Variants in ST3GAL3 observed in about 807,000 individuals in gnomAD.
The protein encoded by ST3GAL3 is CMP-N-acetylneuraminate-beta-1,4-galactoside alpha-2,3-sialyltransferase.
A neutral mutation model predicts 50.1 loss-of-function variants in ST3GAL3; 21 were observed. That is an observed-to-expected ratio of 0.42 (90% confidence interval 0.30 to 0.60). ST3GAL3 has a LOEUF of 0.60. Among genes scored for constraint, ST3GAL3 ranks in the 20% least tolerant of loss-of-function variants. ST3GAL3 has a pLI of 0.19. For missense variants in ST3GAL3, 353 were observed against 489.4 expected, an observed-to-expected ratio of 0.72 and a Z score of 2.63; for synonymous variants, 183 against 190.0, an observed-to-expected ratio of 0.96 and a Z score of 0.30.
chr1:43,887,275 A>G (rs779179370), intron 5 of ST3GAL3, among the ~76,000 whole-genome samples: 8 of 152,168 alleles, frequency 5.3e-5, no homozygotes, highest in Non-Finnish European at 8.8e-5. Flanking sequence ...ACAGTGTAAG[A>G]TTAGATAAAT....
chr1:43,798,384 A>C (rs752997479), intron 3 of ST3GAL3, among the ~76,000 whole-genome samples: 41 of 152,296 alleles, frequency 2.7e-4, no homozygotes, highest in Non-Finnish European at 4.1e-4. Flanking sequence ...ATTTACAATA[A>C]AATCCAAACT....
intron 2 of ST3GAL3, among the ~76,000 whole-genome samples, chr1:43,785,816 G>T (rs2057250398): frequency 6.6e-6 from 1 of 152,110 alleles, no homozygotes; most frequent in Non-Finnish European, 1.5e-5. Context: ...GGAGTCTATG[G>T]ATTACCTTCC....
At chr1:43,879,471 A>G (rs944136004) in intron 5 of ST3GAL3, 5 of 455,248 alleles carry the variant, frequency 1.1e-5, no homozygotes, top group African/African-American at 1.0e-4. Flanking sequence ...TGGTCCAGAA[A>G]TGATTATTTG....
chr1:43,928,322 C>T (rs148374202), intron 11 of ST3GAL3, among the ~76,000 whole-genome samples: 189 of 152,198 alleles, frequency 1.2e-3, no homozygotes, highest in African/African-American at 4.4e-3. Context: ...AGTTATTGGC[C>T]GGGCACGATG....
rs1171088570 is a variant in ST3GAL3 at position 43,899,073 on chromosome 1, C to T, written c.462-95C>T. On this transcript the variant is annotated intron_variant, in intron 7 of 11. Coordinates refer to ENST00000347631, the MANE Select transcript of ST3GAL3 (RefSeq NM_006279.5). The surrounding 1 kb of genome is among the most constrained non-coding windows in gnomAD (Gnocchi z 5.4). ...TCTTCTTCCTCTATCCCAGCCTGGTCCTGGACAAGGGCGTGGGGTCAAGGG... is the reference window on the plus strand; with the variant it reads ...TCTTCTTCCTCTATCCCAGCCTGGTTCTGGACAAGGGCGTGGGGTCAAGGG... 6 of 1,570,990 alleles carry T rather than the reference C, an allele frequency of 3.8e-6. No homozygotes were observed. Among genetic ancestry groups the T allele is most frequent in the African/African-American group, 2.7e-5 (2 of 73,986 alleles).
intron 4 of ST3GAL3, among the ~76,000 whole-genome samples, chr1:43,824,335 TC>T (rs1343497559): frequency 6.6e-6 from 1 of 151,426 alleles, no homozygotes; most frequent in African/African-American, 2.4e-5. Flanking sequence ...CATGCTGACT[TC>T]AGATGGCCAG....
chr1:43,707,586 C>T lies in ST3GAL3; in HGVS notation c.-138C>T, dbSNP rs893422681. 1 of 151,900 alleles carries T rather than the reference C, an allele frequency of 6.6e-6. No individual in the cohort carries two copies. Among genetic ancestry groups the T allele is most frequent in the Non-Finnish European group, 1.5e-5 (1 of 68,066 alleles). 9.4% of individuals were successfully genotyped at this position (151,900 alleles called of 1,614,324 possible). On this transcript the variant is annotated 5_prime_UTR_variant, in exon 1 of 12. Coordinates refer to ENST00000347631, the MANE Select transcript of ST3GAL3 (RefSeq NM_006279.5). Reference sequence around the variant, plus strand: ...CATGCAGCCCAGCGCGTTGTGGGCTCCCGCCGGGGTCCCCCGCGGCTGTCG... The same window carrying T: ...CATGCAGCCCAGCGCGTTGTGGGCTTCCGCCGGGGTCCCCCGCGGCTGTCG...
intron 2 of ST3GAL3, among the ~76,000 whole-genome samples, chr1:43,783,630 T>C (rs1225388208): frequency 1.3e-5 from 2 of 152,174 alleles, no homozygotes; most frequent in African/African-American, 4.8e-5. Flanking sequence ...CCAAACCTTA[T>C]ATACCATCTT....
chr1:43,795,153 G>C (rs917572217), intron 3 of ST3GAL3, among the ~76,000 whole-genome samples: 2 of 152,154 alleles, frequency 1.3e-5, no homozygotes, highest in Admixed American at 6.5e-5. Flanking sequence ...AATGTTCAAG[G>C]GGATTTTGGT....
intron 2 of ST3GAL3, among the ~76,000 whole-genome samples, chr1:43,747,035 G>C (rs1684031655): frequency 1.3e-5 from 2 of 151,912 alleles, no homozygotes; most frequent in African/African-American, 4.8e-5. Flanking sequence ...CGAAGTGCGA[G>C]GATTACAGGC....
intron 11 of ST3GAL3, among the ~76,000 whole-genome samples, chr1:43,926,047 G>A (rs2083859240): frequency 6.6e-6 from 1 of 152,182 alleles, no homozygotes; most frequent in African/African-American, 2.4e-5. Flanking sequence ...GGATCTCTCA[G>A]GATGCTTGGA....
chr1:43,804,264 G>A (rs1307257529), intron 3 of ST3GAL3, among the ~76,000 whole-genome samples: 1 of 152,216 alleles, frequency 6.6e-6, no homozygotes, highest in African/African-American at 2.4e-5. Flanking sequence ...GCTGGGATCT[G>A]TAACCTTGCC....
chr1:43,839,783 C>G (rs1229309368), intron 5 of ST3GAL3: 1 of 152,218 alleles, frequency 6.6e-6, no homozygotes, highest in Non-Finnish European at 1.5e-5. Context: ...CCTCAGGAAA[C>G]TTAAAATCAT....
chr1:43,824,650 C>T (rs962820668), intron 4 of ST3GAL3: 18 of 1,575,672 alleles, frequency 1.1e-5, no homozygotes, highest in East Asian at 4.5e-5. Context: ...GCATTTTTCA[C>T]AGCCCACTGT....
chr1:43,763,723 C>T (rs533906815), intron 2 of ST3GAL3, among the ~76,000 whole-genome samples: 3 of 152,252 alleles, frequency 2.0e-5, no homozygotes, highest in East Asian at 1.9e-4. Context: ...CTTACTAGAC[C>T]GTGGGCATCC....
chr1:43,849,231 T>C, intron 5 of ST3GAL3, among the ~76,000 whole-genome samples: 1 of 151,572 alleles, frequency 6.6e-6, no homozygotes, highest in East Asian at 1.9e-4. Flanking sequence ...GGTTGAGATC[T>C]AGGGTTCTTT....
chr1:43,920,882 C>T lies in ST3GAL3; in HGVS notation c.992C>T (p.Ala331Val). ...GGCTATGACATGAGCACACCCAACGCACCCCTGCACTACTATGAGACCGTT... is the reference window on the plus strand; with the variant it reads ...GGCTATGACATGAGCACACCCAACGTACCCCTGCACTACTATGAGACCGTT... ...GFGYDMSTPN[A>V]PLHYYETVRM... The change falls in exon 11 of 12, where the codon GCA becomes GTA. Residue 331 changes from alanine (A) to valine (V), a missense_variant. Transcript: ENST00000347631. The T allele has an allele frequency of 6.2e-7, 1 of 1,614,122 alleles. No individual in the cohort carries two copies. The highest frequency in any genetic ancestry group is 1.3e-5 in the African/African-American group (1 of 75,016).
At chr1:43,902,061 T>A (rs769448410) in intron 9 of ST3GAL3, among the ~76,000 whole-genome samples, 1 of 152,202 alleles carries the variant, frequency 6.6e-6, no homozygotes. Flanking sequence ...ACCTCACCCA[T>A]GCTCTGCCTC....
At chr1:43,848,256 T>C (rs184019902) in intron 5 of ST3GAL3, among the ~76,000 whole-genome samples, 26 of 151,362 alleles carry the variant, frequency 1.7e-4, no homozygotes, top group African/African-American at 5.8e-4. Flanking sequence ...ACCAGTGGTT[T>C]CCAGCAATTT....
Sources: allele counts gnomAD v4.1 joint callset (sites outside exome capture counted in the v4.1 genomes callset), GRCh38; gene constraint gnomAD v4.1.1; non-coding constraint Gnocchi (gnomAD v3.1); transcripts MANE v1.5; gene names NCBI Gene and HGNC (gene_info 2026-07-23, HGNC 2026-07-21).